The following DIS3L2 variants were observed in gnomAD, a reference collection of about 807,000 sequenced individuals.
DIS3L2 encodes DIS3 like 3'-5' exoribonuclease 2.
In DIS3L2, 34 loss-of-function variants were observed where a neutral mutation model predicts 97.5. The observed-to-expected ratio is 0.35, with a 90% confidence interval of 0.27 to 0.46. The LOEUF is 0.46. Among genes scored for constraint, DIS3L2 ranks in the 20% least tolerant of loss-of-function variants. The probability of loss-of-function intolerance (pLI) is 1.00; values close to 1 mark genes in which losing one functional copy is unlikely to be tolerated. For synonymous variants in DIS3L2, 435 were observed against 445.2 expected (o/e 0.98, Z 0.29); for missense variants, 1,038 against 1,146.0 (o/e 0.91, Z 1.36).
intron 1 of DIS3L2, among the ~76,000 whole-genome samples, chr2:231,986,739 C>A (rs1252568277): frequency 6.6e-6 from 1 of 152,170 alleles, no homozygotes; most frequent in African/African-American, 2.4e-5. Flanking sequence ...AATGGTAGAA[C>A]CTGGATTCAA....
intron 13 of DIS3L2, among the ~76,000 whole-genome samples, chr2:232,282,134 C>T (rs551588666): frequency 8.0e-6 from 1 of 125,178 alleles, no homozygotes; most frequent in South Asian, 2.6e-4. Context: ...GAGCCCTTCT[C>T]GTTTATTTAA....
chr2:231,992,436 A>G (rs1029759266), intron 1 of DIS3L2, among the ~76,000 whole-genome samples: 2 of 152,066 alleles, frequency 1.3e-5, no homozygotes, highest in African/African-American at 4.8e-5. Flanking sequence ...CACCTCTTCC[A>G]TGCTTTCTGT....
chr2:232,286,502 C>T (rs1212972463), intron 13 of DIS3L2, among the ~76,000 whole-genome samples: 1 of 152,150 alleles, frequency 6.6e-6, no homozygotes, highest in Non-Finnish European at 1.5e-5. Flanking sequence ...TTAGAGTGAT[C>T]ACATTTGGAA....
intron 13 of DIS3L2, among the ~76,000 whole-genome samples, chr2:232,274,073 C>T (rs1021893787): frequency 6.6e-6 from 1 of 152,086 alleles, no homozygotes; most frequent in African/African-American, 2.4e-5. Context: ...TGAAAGTGTG[C>T]CCAGATGACT....
chr2:232,124,416 A>G (rs1697996304), intron 6 of DIS3L2, among the ~76,000 whole-genome samples: 1 of 152,232 alleles, frequency 6.6e-6, no homozygotes, highest in Non-Finnish European at 1.5e-5. Flanking sequence ...GGATGAAGAA[A>G]AGTGTATGTT....
chr2:232,329,785 T>TTCCCGGGGGGGGGGGCC, intron 14 of DIS3L2, 28 bp from the exon 15 acceptor site: 1 of 967,144 alleles, frequency 1.0e-6, no homozygotes, highest in South Asian at 2.1e-5. Flanking sequence ...ACCCCAGCGG[T>TTCCCGGGGGGGGGGGCC]CCCTCCCATC....
intron 7 of DIS3L2, among the ~76,000 whole-genome samples, chr2:232,132,624 GC>G (rs1559662332): frequency 6.6e-6 from 1 of 152,132 alleles, no homozygotes; most frequent in Non-Finnish European, 1.5e-5. Flanking sequence ...ATAGAGGGTG[GC>G]CCAGCTAGAC....
rs1490327109 is a variant in DIS3L2 at position 232,087,578 on chromosome 2, A to C, written c.458A>C (p.Gln153Pro). The C allele has an allele frequency of 6.2e-7, 1 of 1,614,154 alleles. No homozygotes were observed. Among genetic ancestry groups the C allele is most frequent in the East Asian group, 2.2e-5 (1 of 44,884 alleles). The change falls in exon 6 of 21, where the codon CAG becomes CCG. Residue 153 changes from glutamine (Q) to proline (P), a missense_variant. By Grantham distance (76) the Gln-to-Pro change is moderately conservative. Coordinates refer to ENST00000325385, the MANE Select transcript of DIS3L2 (RefSeq NM_152383.5). The stretch of plus-strand genomic sequence containing the variant: ...CTCTGTGGACACCATCTCCCGCAAC[A>C]GTCCCTGAAAAGCTATAATGACAGT... ...EELCGHHLPQ[Q>P]SLKSYNDSPD...
intron 1 of DIS3L2, among the ~76,000 whole-genome samples, chr2:231,997,862 T>C (rs1395592092): frequency 6.6e-6 from 1 of 152,166 alleles, no homozygotes; most frequent in Non-Finnish European, 1.5e-5. Flanking sequence ...TATGCAGTTA[T>C]TAGAATCAGG....
Position 232,295,366 on chromosome 2 carries a change from A to C in DIS3L2, c.1660-4674A>C, listed in dbSNP as rs74426273. On this transcript the variant is annotated intron_variant, in intron 13 of 20. Coordinates refer to ENST00000325385, the MANE Select transcript of DIS3L2 (RefSeq NM_152383.5). ...TAAAAAATCATACTAGGACATTCTA[A>C]ATCCCCCCTGCCCAATCCACAGATC... Among the ~76,000 whole-genome samples the C allele has an allele frequency of 2.5e-3, 375 of 152,230 alleles. 1 individual carries two copies. Among genetic ancestry groups the C allele is most frequent in the Non-Finnish European group, 4.4e-3 (296 of 68,010 alleles).
rs1238936842 is a variant in DIS3L2, at chr2:232,276,583, C to T, written c.1659+13143C>T. On this transcript the variant is annotated intron_variant, in intron 13 of 20. Transcript: ENST00000325385. The surrounding 1 kb of genome is among the most constrained non-coding windows in gnomAD (Gnocchi z 4.4). ...TGTTCCTTTTTGGTACATGTTTCCA[C>T]TCCAGACTGCCCCAGGCCCCAACTC... is the stretch of plus-strand genomic sequence containing the variant. Among the ~76,000 whole-genome samples the T allele has an allele frequency of 6.6e-6, 1 of 152,224 alleles. No homozygotes were observed. Among genetic ancestry groups the T allele is most frequent in the Non-Finnish European group, 1.5e-5 (1 of 68,040 alleles).
chr2:232,083,761 C>T (rs1416722429), intron 5 of DIS3L2, among the ~76,000 whole-genome samples: 1 of 152,166 alleles, frequency 6.6e-6, no homozygotes, highest in Non-Finnish European at 1.5e-5. Context: ...TTCCAAAGTG[C>T]TGGGATTACA....
chr2:232,011,038 A>G (rs192969338), intron 1 of DIS3L2, among the ~76,000 whole-genome samples: 2 of 152,330 alleles, frequency 1.3e-5, no homozygotes, highest in Non-Finnish European at 2.9e-5. Flanking sequence ...AGTGAGGTCT[A>G]GTGCCTTTTC....
At chr2:232,134,133 T>A (rs1245339936) in intron 7 of DIS3L2, among the ~76,000 whole-genome samples, 1 of 151,972 alleles carries the variant, frequency 6.6e-6, no homozygotes, top group Non-Finnish European at 1.5e-5. Flanking sequence ...TCAGTAGAAT[T>A]AACCCAATTT....
Position 231,986,865 on chromosome 2 carries a change from A to G in DIS3L2, c.-94+25100A>G, listed in dbSNP as rs904609293. Among the ~76,000 whole-genome samples the G allele has an allele frequency of 2.6e-5, 4 of 152,182 alleles. No homozygotes were observed. In the South Asian group the frequency reaches 6.2e-4, roughly 24 times the overall value. ...CTTTCAGAAACTGAGAACCAGGGAA[A>G]CTATTTTCTATATTGGCTGACATAA... On this transcript the variant is annotated intron_variant, in intron 1 of 20. Transcript: ENST00000325385.
chr2:232,087,433 C>CTTT, intron 5 of DIS3L2, 54 bp from the exon 6 acceptor site: 1 of 1,125,266 alleles, frequency 8.9e-7, no homozygotes, highest in South Asian at 1.7e-5. Context: ...AAAATCTGCT[C>CTTT]TTTTTTTTTT....
chr2:232,072,986 A>G (rs1339975980), intron 5 of DIS3L2, among the ~76,000 whole-genome samples: 4 of 152,158 alleles, frequency 2.6e-5, no homozygotes, highest in Admixed American at 6.6e-5. Context: ...TGGATTAGCT[A>G]CCCTAAGCAA....
chr2:232,221,101 CAAAAAAAAAA>C (rs373784144), intron 10 of DIS3L2, among the ~76,000 whole-genome samples: 1 of 97,602 alleles, frequency 1.0e-5, no homozygotes, highest in Non-Finnish European at 1.9e-5. Context: ...GACTTCATCT[CAAAAAAAAAA>C]AAAAAAAAAA....
chr2:232,259,238 G>A (rs1008107388), intron 12 of DIS3L2, among the ~76,000 whole-genome samples: 18 of 152,114 alleles, frequency 1.2e-4, no homozygotes, highest in Admixed American at 6.5e-4. Flanking sequence ...CCTATGTGCT[G>A]TTAGGAAGGG....
Sources: gnomAD v4.1 joint callset for allele counts (sites outside exome capture counted in the v4.1 genomes callset) on GRCh38, gnomAD v4.1.1 for gene constraint, Gnocchi (gnomAD v3.1) non-coding constraint, MANE v1.5 for transcripts, NCBI Gene and HGNC (gene_info 2026-07-23, HGNC 2026-07-21) for gene names.